The following RNF213 variants were observed in gnomAD, a reference collection of about 807,000 sequenced individuals.
The protein encoded by RNF213 is E3 ubiquitin-protein ligase RNF213.
RNF213 carries 341 observed loss-of-function variants against 514.4 expected under a neutral mutation model. The ratio of observed to expected loss-of-function variants is 0.66; its 90% CI spans 0.61 to 0.73. The LOEUF (loss-of-function observed/expected upper bound fraction) is 0.73. RNF213 is among the 30% of genes least tolerant of loss of function. The probability of loss-of-function intolerance (pLI) is 0.00; values close to 1 mark genes in which losing one functional copy is unlikely to be tolerated. For missense variants in RNF213, 5,767 were observed against 6,615.6 expected (o/e 0.87, Z 4.45); for synonymous variants, 2,655 against 2,658.2 (o/e 1.00, Z 0.04).
Position 80,347,210 on chromosome 17 carries a change from C to G in RNF213, c.8875C>G (p.Leu2959Val). Residue 2959 changes from leucine (L) to valine (V), a missense_variant, in exon 29 of 68, where the codon CTC becomes GTC. By Grantham distance (32) the Leu-to-Val change is conservative (BLOSUM62 1). This residue lies in a region of RNF213 where 919 missense variants were observed against 1,121.0 expected (regional missense o/e 0.82). Transcript: ENST00000582970. This position sits in a 1 kb window ranked among gnomAD's most constrained non-coding sequence, Gnocchi z 7.2. Reference sequence around the variant, plus strand: ...CTTCGGGCTTCGTGACTACTACAGCCTCATCAAAATGGTCTTTGCTGCAGC... The same window carrying G: ...CTTCGGGCTTCGTGACTACTACAGCGTCATCAAAATGGTCTTTGCTGCAGC... ...EFFGLRDYYS[L>V]IKMVFAAAKA... 1 of 1,613,578 alleles carries G rather than the reference C, an allele frequency of 6.2e-7. No homozygotes were observed. The highest frequency in any genetic ancestry group is 8.5e-7 in the Non-Finnish European group (1 of 1,179,856).
intron 54 of RNF213, 154 bp from the exon 55 acceptor site, chr17:80,379,466 T>C: frequency 9.3e-6 from 7 of 750,404 alleles, no homozygotes; most frequent in Non-Finnish European, 9.5e-6. Context: ...CCTGTTCCCA[T>C]GGGTTCTCCA....
chr17:80,276,020 C>CT (rs2044040900), intron 3 of RNF213, among the ~76,000 whole-genome samples: 1 of 150,698 alleles, frequency 6.6e-6, no homozygotes, highest in Admixed American at 6.6e-5. Context: ...AAGGAAATCT[C>CT]TATCAAACTA....
Position 80,339,833 on chromosome 17 carries a change from G to A in RNF213, c.5466G>A (p.Pro1822=), listed in dbSNP as rs772088606. 9.1e-6 allele frequency: 14 copies of A among 1,535,740 alleles called. No individual in the cohort carries two copies. The highest frequency in any genetic ancestry group is 7.3e-5 in the East Asian group (3 of 40,886). Residue 1822 remains proline, a synonymous_variant, in exon 26 of 68, where the codon CCG becomes CCA. Coordinates refer to ENST00000582970, the MANE Select transcript of RNF213 (RefSeq NM_001256071.3). ...GGTCTCCCGTGGAGCGTTGTCTCCC[G>A]AGAGGTCTGCAGGTCGGCCAGCCCA... is the stretch of plus-strand genomic sequence containing the variant. ...MGGSPVERCL[P]RGLQVGQPNL...
Position 80,297,401 on chromosome 17 carries a change from G to A in RNF213, c.2013-920G>A, listed in dbSNP as rs547328221. 4.0e-5 allele frequency among the ~76,000 whole-genome samples: 6 copies of A among 148,476 alleles called. No individual in the cohort carries two copies. In the East Asian group the frequency reaches 1.2e-3, roughly 30 times the overall value. ...GGAGGCGGAGGTTGCAGTGAGCCGA[G>A]ATTGTGCCACTGCACTCCAGCCTGG... On this transcript the variant is annotated intron_variant, in intron 10 of 67. Coordinates refer to ENST00000582970, the MANE Select transcript of RNF213 (RefSeq NM_001256071.3).
rs140698276 is a variant in RNF213 at position 80,355,710 on chromosome 17, A to G, written c.10862+1134A>G. The stretch of plus-strand genomic sequence containing the variant: ...GGGGTGACCGGGAATGGGGGCTTAC[A>G]GAGGAAGAAGCGGGGTGGACGGGAA... On this transcript the variant is annotated intron_variant, in intron 36 of 67. Coordinates refer to ENST00000582970, the MANE Select transcript of RNF213 (RefSeq NM_001256071.3). Among the ~76,000 whole-genome samples, 82 of 14,852 alleles carry G rather than the reference A, an allele frequency of 5.5e-3. 7 individuals carry two copies. Among genetic ancestry groups the G allele is most frequent in the African/African-American group, 0.016 (43 of 2,660 alleles). The allele number at this position is 14,852 out of a possible 152,430, so 9.7% of individuals were successfully genotyped here.
intron 3 of RNF213, among the ~76,000 whole-genome samples, chr17:80,284,107 C>G (rs1270154708): frequency 6.6e-6 from 1 of 152,020 alleles, no homozygotes; most frequent in Non-Finnish European, 1.5e-5. Context: ...CGCCTGGAAT[C>G]CCAGCACTTT....
At position 80,268,614 on chromosome 17, in the gene RNF213, TC is replaced by T. The variant is rs1008362676; in HGVS notation, c.98-4625del. On this transcript the variant is annotated intron_variant, in intron 2 of 67. Transcript: ENST00000582970. ...CCTCTCTCATCCATCTGTTTGTCCATCCATCCATCCATCCATCCATCCGTTT... is the reference window on the plus strand; with the variant it reads ...CCTCTCTCATCCATCTGTTTGTCCATCATCCATCCATCCATCCATCCGTTT... 6.1e-4 allele frequency among the ~76,000 whole-genome samples: 39 copies of T among 64,332 alleles called. No individual in the cohort carries two copies. In the Admixed American group the frequency reaches 6.5e-3, roughly 11 times the overall value. 42.2% of individuals were successfully genotyped at this position (64,332 alleles called of 152,430 possible).
chr17:80,393,869 CTTTTT>C lies in RNF213; in HGVS notation c.*378_*382del, dbSNP rs201824278. 2 of 216,020 alleles carry C rather than the reference CTTTTT, an allele frequency of 9.3e-6. No individual in the cohort carries two copies. The highest frequency in any genetic ancestry group is 1.9e-5 in the Non-Finnish European group (2 of 107,368). The allele number at this position is 216,020 out of a possible 1,614,324, so 13.4% of individuals were successfully genotyped here. On this transcript the variant is annotated 3_prime_UTR_variant, in exon 68 of 68. Transcript: ENST00000582970. ...TTCGCCTCTGGCACTGCCCACCCCT[CTTTTT>C]TTTTTTCTTCTAATTCTGTACTCAC...
intron 17 of RNF213, chr17:80,319,782 C>A: frequency 8.0e-7 from 1 of 1,253,428 alleles, no homozygotes; most frequent in Non-Finnish European, 1.0e-6. Flanking sequence ...ATTGTGCCCC[C>A]CTGTCTCCCA....
chr17:80,305,835 G>A (rs1315245721), intron 11 of RNF213, among the ~76,000 whole-genome samples: 6 of 151,832 alleles, frequency 4.0e-5, no homozygotes, highest in Middle Eastern at 3.2e-3. Flanking sequence ...GGCCAGGCTG[G>A]TTGCAAACTT....
In RNF213 at chr17:80,346,624, TC is replaced by T; in HGVS notation, c.8293del (p.Leu2765SerfsTer35). 6.2e-7 allele frequency: 1 copy of T among 1,612,968 alleles called. No individual in the cohort carries two copies. The highest frequency in any genetic ancestry group is 8.5e-7 in the Non-Finnish European group (1 of 1,180,028). Reference sequence around the variant, plus strand: ...TGGTCGTCTGCATCGAGCTGAAGATTCCCCTCTTCCTGGTGGGGAAGCCCGG... The same window carrying T: ...TGGTCGTCTGCATCGAGCTGAAGATTCCCTCTTCCTGGTGGGGAAGCCCGG... The part of the protein sequence containing the change: ...MMVVCIELKI[P>X]LFLVGKPGSS... On this transcript the variant is annotated frameshift_variant, in exon 29 of 68. Transcript: ENST00000582970. LOFTEE classifies it high-confidence loss of function. This position sits in a 1 kb window ranked among gnomAD's most constrained non-coding sequence, Gnocchi z 8.1.
chr17:80,364,893 C>T (rs1599141291), intron 42 of RNF213: 1 of 343,744 alleles, frequency 2.9e-6, no homozygotes, highest in Non-Finnish European at 5.7e-6. Flanking sequence ...ACTAGCCTGG[C>T]CATCTGTGGA....
chr17:80,372,511 TGTTCCTC>T lies in RNF213; in HGVS notation c.12538-9_12538-3del, dbSNP rs754642980. 3 of 1,602,558 alleles carry T rather than the reference TGTTCCTC, an allele frequency of 1.9e-6. No homozygotes were observed. The South Asian group carries it at 3.3e-5, about 18-fold the overall frequency. On this transcript the variant is annotated splice_region_variant and splice_polypyrimidine_tract_variant and intron_variant, in intron 47 of 67. Transcript: ENST00000582970. ...TAATATCCTTTTCTTTCTTGTTCCTTGTTCCTCAGGATTCAATACTTGAGAAGACCAG... is the reference window on the plus strand; with the variant it reads ...TAATATCCTTTTCTTTCTTGTTCCTTAGGATTCAATACTTGAGAAGACCAG...
In RNF213 at chr17:80,360,106, C is replaced by T. The variant is rs1328261578; in HGVS notation, c.11100C>T (p.Asn3700=). The T allele has an allele frequency of 6.2e-7, 1 of 1,614,130 alleles. No homozygotes were observed. ...MAYIVVQNHM[N]LSENASNNVP... ...ACATCGTGGTGCAGAACCACATGAA[C>T]CTTTCCGAGAACGCTTCCAACAACG... Residue 3700 remains asparagine (N), a synonymous_variant, in exon 38 of 68, where the codon AAC becomes AAT. Coordinates refer to ENST00000582970, the MANE Select transcript of RNF213 (RefSeq NM_001256071.3).
chr17:80,350,451 G>T, intron 31 of RNF213, 55 bp downstream of exon 31: 2 of 1,149,860 alleles, frequency 1.7e-6, no homozygotes, highest in Non-Finnish European at 2.6e-6. Context: ...AACGTAGGAA[G>T]TCCTAGAGAA....
chr17:80,313,261 C>T (rs996666747), intron 15 of RNF213, 94 bp downstream of exon 15: 1 of 1,500,316 alleles, frequency 6.7e-7, no homozygotes, highest in Admixed American at 1.7e-5. Context: ...TGGCCAGGGG[C>T]AGTTGTTGGC....
In RNF213 at chr17:80,334,189, A is replaced by G. The variant is rs920092744; in HGVS notation, c.4228A>G (p.Ile1410Val). 13 of 1,537,134 alleles carry G rather than the reference A, an allele frequency of 8.5e-6. No individual in the cohort carries two copies. In the Admixed American group the frequency reaches 1.4e-4, roughly 16 times the overall value. Residue 1410 changes from isoleucine (I) to valine (V), a missense_variant, in exon 22 of 68, where the codon ATC becomes GTC. Ile to Val is a conservative substitution (Grantham distance 29). Coordinates refer to ENST00000582970, the MANE Select transcript of RNF213 (RefSeq NM_001256071.3). ...LIQAKKLLQD[I>V]SEARCKGLQA... ...CCAGGCCAAAAAGCTGCTCCAGGACATCAGCGAGGCCCGGTGCAAGGGGCT... is the reference window on the plus strand; with the variant it reads ...CCAGGCCAAAAAGCTGCTCCAGGACGTCAGCGAGGCCCGGTGCAAGGGGCT...
intron 26 of RNF213, among the ~76,000 whole-genome samples, chr17:80,342,891 C>T (rs1335523680): frequency 6.6e-6 from 1 of 151,470 alleles, no homozygotes; most frequent in Non-Finnish European, 1.5e-5. Context: ...CTACAACCTC[C>T]GCCTCCCGGG....
intron 3 of RNF213, among the ~76,000 whole-genome samples, chr17:80,276,502 G>A (rs2044061775): frequency 6.6e-6 from 1 of 152,096 alleles, no homozygotes; most frequent in Non-Finnish European, 1.5e-5. Context: ...AAAGAATGAA[G>A]ACATTTTCTA....
Sources: gnomAD v4.1 joint callset for allele counts (sites outside exome capture counted in the v4.1 genomes callset) on GRCh38, gnomAD v4.1.1 for gene constraint, gnomAD v4.1.1 regional missense constraint, Gnocchi (gnomAD v3.1) non-coding constraint, MANE v1.5 for transcripts, NCBI Gene and HGNC (gene_info 2026-07-23, HGNC 2026-07-21) for gene names.